Variants in FASTKD1 observed in about 807,000 individuals in gnomAD.
FASTKD1 encodes the protein FAST kinase domains 1.
Under a neutral mutation model 90.9 loss-of-function variants are expected in FASTKD1, and 94 were observed. That is an observed-to-expected ratio of 1.03 (90% CI 0.88 to 1.23). The LOEUF is 1.23. FASTKD1 is among the 50% of genes most tolerant of loss of function. FASTKD1 has a pLI of 0.00. For missense variants in FASTKD1, 945 were observed against 993.5 expected (o/e 0.95, Z 0.66); for synonymous variants, 319 against 345.8 (o/e 0.92, Z 0.86).
At chr2:169,556,566 G>A (rs765959855) in intron 6 of FASTKD1, among the ~76,000 whole-genome samples, 2 of 151,978 alleles carry the variant, frequency 1.3e-5, no homozygotes, top group African/African-American at 4.8e-5. Context: ...GCTCAGGCCT[G>A]TAATCCCAGC....
intron 2 of FASTKD1, 151 bp downstream of exon 2, chr2:169,571,502 T>G (rs1684228145): frequency 2.0e-6 from 1 of 495,610 alleles, no homozygotes; most frequent in Admixed American, 3.8e-5. Flanking sequence ...AGGCAGAGCT[T>G]GCAGTGAGCC....
At chr2:169,533,646 T>C (rs563228654) in intron 12 of FASTKD1, among the ~76,000 whole-genome samples, 1 of 152,310 alleles carries the variant, frequency 6.6e-6, no homozygotes. Context: ...TGTTGTTATA[T>C]GAAATTGCAG....
chr2:169,565,735 C>T (rs1391384777), intron 3 of FASTKD1, among the ~76,000 whole-genome samples: 1 of 152,172 alleles, frequency 6.6e-6, no homozygotes, highest in African/African-American at 2.4e-5. Context: ...CACATGCTAG[C>T]TCAATTTTTA....
At chr2:169,537,384 CTTTT>C in intron 11 of FASTKD1, 44 bp from the exon 12 acceptor site, 1 of 1,021,474 alleles carries the variant, frequency 9.8e-7, no homozygotes, top group South Asian at 1.8e-5. Flanking sequence ...TCTTTTTTTT[CTTTT>C]TTTTTTTCCT....
chr2:169,541,106 A>C, intron 9 of FASTKD1, among the ~76,000 whole-genome samples: 1 of 152,214 alleles, frequency 6.6e-6, no homozygotes, highest in East Asian at 1.9e-4. Flanking sequence ...ATCATAAATG[A>C]AGTTAATAGT....
At chr2:169,533,527 T>A (rs762176408) in intron 12 of FASTKD1, among the ~76,000 whole-genome samples, 41 of 152,320 alleles carry the variant, frequency 2.7e-4, no homozygotes, top group East Asian at 2.3e-3. Context: ...ATTTACATAC[T>A]TCATAGGGAT....
At chr2:169,550,158 C>G (rs999242537) in intron 7 of FASTKD1, among the ~76,000 whole-genome samples, 1 of 151,644 alleles carries the variant, frequency 6.6e-6, no homozygotes, top group African/African-American at 2.4e-5. Context: ...CAGGTGCACA[C>G]CACCATGCCT....
intron 7 of FASTKD1, among the ~76,000 whole-genome samples, chr2:169,552,704 A>G (rs958290038): frequency 6.6e-6 from 1 of 152,194 alleles, no homozygotes; most frequent in African/African-American, 2.4e-5. Context: ...GAGTACGCAA[A>G]GGCATACAGA....
intron 6 of FASTKD1, among the ~76,000 whole-genome samples, chr2:169,556,349 T>A (rs1296134700): frequency 6.7e-6 from 1 of 148,726 alleles, no homozygotes; most frequent in Non-Finnish European, 1.5e-5. Context: ...GATGAGAGGA[T>A]CAATTGAGCC....
intron 4 of FASTKD1, among the ~76,000 whole-genome samples, chr2:169,561,793 T>C (rs1265926062): frequency 1.4e-5 from 2 of 146,604 alleles, no homozygotes; most frequent in South Asian, 2.1e-4. Context: ...TAATTTATTG[T>C]AAATTATTTA....
Position 169,528,777 on chromosome 2 carries a change from T to C in FASTKD1, c.*1048A>G, listed in dbSNP as rs1684362346. On this transcript the variant is annotated 3_prime_UTR_variant, in exon 15 of 15. Coordinates refer to ENST00000453153, the MANE Select transcript of FASTKD1 (RefSeq NM_024622.6). ...GCCATTTCCCATTTGTCATCTTTCC[T>C]GACCTATCAGCAGCATCTGATACAA... 6.6e-6 allele frequency among the ~76,000 whole-genome samples: 1 copy of C among 152,158 alleles called. No homozygotes were observed. The highest frequency in any genetic ancestry group is 1.5e-5 in the Non-Finnish European group (1 of 68,032).
At chr2:169,558,094 ATGT>A (rs1683410946) in intron 5 of FASTKD1, among the ~76,000 whole-genome samples, 1 of 152,218 alleles carries the variant, frequency 6.6e-6, no homozygotes. Context: ...TTCATAAACT[ATGT>A]TGTTACAGTA....
chr2:169,535,006 A>G (rs1684667794), intron 12 of FASTKD1, among the ~76,000 whole-genome samples: 1 of 151,854 alleles, frequency 6.6e-6, no homozygotes, highest in Admixed American at 6.6e-5. Context: ...GGTTATATTC[A>G]TATTGTTCTG....
chr2:169,548,002 A>C (rs1273405319), intron 7 of FASTKD1, among the ~76,000 whole-genome samples: 1 of 150,422 alleles, frequency 6.6e-6, no homozygotes, highest in Non-Finnish European at 1.5e-5. Context: ...TCTCAAAAAA[A>C]AAAAAACAAA....
At chr2:169,545,115 T>C (rs548738013) in intron 8 of FASTKD1, among the ~76,000 whole-genome samples, 93 of 152,318 alleles carry the variant, frequency 6.1e-4, no homozygotes, top group Middle Eastern at 3.4e-3. Context: ...CTGGGAGTGG[T>C]GGCTCATGCC....
rs369291952 is a variant in FASTKD1, at chr2:169,530,621, C to T, written c.2408G>A (p.Arg803Gln). The T allele has an allele frequency of 1.0e-5, 16 of 1,605,728 alleles. No individual in the cohort carries two copies. The highest frequency in any genetic ancestry group is 8.0e-5 in the African/African-American group (6 of 74,726). Residue 803 changes from arginine (R) to glutamine (Q), a missense_variant, in exon 14 of 15, where the codon CGA becomes CAA. Arg to Gln is a conservative substitution (Grantham distance 43). Transcript: ENST00000453153. ...HMKGKSAMKK[R>Q]HLEILGYRVI... Reference sequence around the variant, plus strand: ...ACGATACCCCAGAATTTCCAAATGTCGTTTTTTCATAGCAGATTTTCCTTT... The same window carrying T: ...ACGATACCCCAGAATTTCCAAATGTTGTTTTTTCATAGCAGATTTTCCTTT...
intron 13 of FASTKD1, chr2:169,531,058 G>A (rs369340924): frequency 1.5e-6 from 1 of 679,672 alleles, no homozygotes; most frequent in African/African-American, 1.7e-5. Context: ...GTAGGAAGTG[G>A]CTAAGTGCTA....
At chr2:169,553,271 CAAAAAA>C (rs374454211) in intron 7 of FASTKD1, among the ~76,000 whole-genome samples, 5 of 79,206 alleles carry the variant, frequency 6.3e-5, no homozygotes, top group African/African-American at 1.0e-4. Flanking sequence ...TAAAAGCATG[CAAAAAA>C]AAAAAAAAAA....
intron 3 of FASTKD1, among the ~76,000 whole-genome samples, chr2:169,568,655 A>G (rs111723005): frequency 0.029 from 3,609 of 125,900 alleles, 220 homozygotes; most frequent in African/African-American, 0.094. Context: ...AAAAAAAAAA[A>G]AGAGAGACAG....
Sources: allele counts gnomAD v4.1 joint callset (sites outside exome capture counted in the v4.1 genomes callset), GRCh38; gene constraint gnomAD v4.1.1; transcripts MANE v1.5; gene names NCBI Gene and HGNC (gene_info 2026-07-23, HGNC 2026-07-21).